Variants in HOOK3 observed in about 807,000 individuals in gnomAD.
HOOK3 encodes the protein protein Hook homolog 3.
A neutral mutation model predicts 116.3 loss-of-function variants in HOOK3; 24 were observed. The ratio of observed to expected loss-of-function variants is 0.21; its 90% CI spans 0.15 to 0.29. The LOEUF is 0.29. Ranked by LOEUF, HOOK3 falls within the 10% of genes least tolerant of loss-of-function variation. HOOK3 has a pLI of 1.00. For synonymous variants in HOOK3, 275 were observed against 283.0 expected (o/e 0.97, Z 0.28); for missense variants, 632 against 830.2 (o/e 0.76, Z 2.93).
In HOOK3 at chr8:43,020,130, T is replaced by C. The variant is rs1367339758; in HGVS notation, c.*1632T>C. On this transcript the variant is annotated 3_prime_UTR_variant, in exon 22 of 22. Transcript: ENST00000307602. Reference sequence around the variant, plus strand: ...ATTTGTTTGTCCTCAGAAGCCGTAGTTGAAGAAAGATATTAGAGTATACAC... The same window carrying C: ...ATTTGTTTGTCCTCAGAAGCCGTAGCTGAAGAAAGATATTAGAGTATACAC... 1 of 199,592 alleles carries C rather than the reference T, an allele frequency of 5.0e-6. No homozygotes were observed. The highest frequency in any genetic ancestry group is 2.3e-5 in the African/African-American group (1 of 43,414). 12.4% of individuals were successfully genotyped at this position (199,592 alleles called of 1,614,324 possible).
At chr8:42,910,252 T>A (rs755105840) in intron 2 of HOOK3, among the ~76,000 whole-genome samples, 1 of 152,224 alleles carries the variant, frequency 6.6e-6, no homozygotes, top group Non-Finnish European at 1.5e-5. Flanking sequence ...GATCATAATA[T>A]ACATTGTGTT....
intron 10 of HOOK3, among the ~76,000 whole-genome samples, chr8:42,967,382 A>T (rs1808650682): frequency 6.6e-6 from 1 of 151,840 alleles, no homozygotes; most frequent in Non-Finnish European, 1.5e-5. Context: ...AAAACCTCTA[A>T]ACTTCCCTGG....
Position 42,897,032 on chromosome 8 carries a change from G to A in HOOK3, c.-100G>A. 1.1e-6 allele frequency: 1 copy of A among 889,242 alleles called. No homozygotes were observed. Among genetic ancestry groups the A allele is most frequent in the Non-Finnish European group, 1.5e-6 (1 of 672,902 alleles). The allele number at this position is 889,242 out of a possible 1,614,324, so 55.1% of individuals were successfully genotyped here. ...GGCGGCCGGATCCGAGGAGCAGGCG[G>A]GCCTGAGGCCGAGTCAGCTGCGCGG... is the stretch of plus-strand genomic sequence containing the variant. On this transcript the variant is annotated 5_prime_UTR_variant, in exon 1 of 22. Transcript: ENST00000307602.
intron 1 of HOOK3, among the ~76,000 whole-genome samples, chr8:42,902,587 A>T (rs1161651990): frequency 2.6e-5 from 4 of 152,126 alleles, no homozygotes; most frequent in Admixed American, 2.6e-4. Context: ...GTGTATTTTC[A>T]AACCCCCCCA....
intron 15 of HOOK3, among the ~76,000 whole-genome samples, chr8:42,993,161 CA>C (rs1283554006): frequency 6.6e-6 from 1 of 152,134 alleles, no homozygotes; most frequent in Non-Finnish European, 1.5e-5. Context: ...GGATCAATCC[CA>C]TTTGGTCATA....
intron 4 of HOOK3, among the ~76,000 whole-genome samples, chr8:42,932,603 C>G (rs919602469): frequency 2.6e-5 from 4 of 152,044 alleles, no homozygotes; most frequent in African/African-American, 9.6e-5. Context: ...TTTTTGGGTC[C>G]TAGGCCTACT....
intron 8 of HOOK3, among the ~76,000 whole-genome samples, chr8:42,961,690 G>A (rs772240821): frequency 5.3e-5 from 8 of 152,196 alleles, no homozygotes; most frequent in South Asian, 2.1e-4. Flanking sequence ...ATTAGGAACC[G>A]TAAAAATATT....
chr8:42,975,027 G>T (rs985832286), intron 13 of HOOK3, among the ~76,000 whole-genome samples: 1 of 152,162 alleles, frequency 6.6e-6, no homozygotes, highest in African/African-American at 2.4e-5. Flanking sequence ...CCCCTCCTTG[G>T]CGTAGCGACG....
Position 42,966,466 on chromosome 8 carries a change from G to T in HOOK3, c.780-7G>T. The T allele has an allele frequency of 6.2e-7, 1 of 1,613,852 alleles. No individual in the cohort carries two copies. Among genetic ancestry groups the T allele is most frequent in the Non-Finnish European group, 8.5e-7 (1 of 1,179,804 alleles). On this transcript the variant is annotated splice_polypyrimidine_tract_variant and splice_region_variant and intron_variant, in intron 9 of 21. Transcript: ENST00000307602. The stretch of plus-strand genomic sequence containing the variant: ...TGCTTTCTTGGTCTATTTTATATCG[G>T]TTACAGACTAGAAGCAGCCAAAGAT...
At chr8:42,987,084 C>T (rs1809062235) in intron 15 of HOOK3, among the ~76,000 whole-genome samples, 1 of 152,124 alleles carries the variant, frequency 6.6e-6, no homozygotes. Context: ...ATCATTTGAG[C>T]CCAGGAGGCA....
In HOOK3 at chr8:43,020,170, A is replaced by G. The variant is rs1809797329; in HGVS notation, c.*1672A>G. The stretch of plus-strand genomic sequence containing the variant: ...AGAGTATACACAGAACTGGAGCCAT[A>G]CATTGTGCTAATTTTTTACATTAAG... On this transcript the variant is annotated 3_prime_UTR_variant, in exon 22 of 22. Transcript: ENST00000307602. 1.0e-5 allele frequency: 2 copies of G among 198,638 alleles called. No individual in the cohort carries two copies. Among genetic ancestry groups the G allele is most frequent in the African/African-American group, 4.6e-5 (2 of 43,378 alleles). 12.3% of individuals were successfully genotyped at this position (198,638 alleles called of 1,614,324 possible).
chr8:43,015,722 C>T (rs948931596), intron 21 of HOOK3, among the ~76,000 whole-genome samples: 2 of 151,934 alleles, frequency 1.3e-5, no homozygotes, highest in Non-Finnish European at 2.9e-5. Flanking sequence ...TTTCATATTA[C>T]TATTATTATT....
At chr8:42,983,469 G>A (rs188122686) in intron 14 of HOOK3, among the ~76,000 whole-genome samples, 159 of 151,854 alleles carry the variant, frequency 1.0e-3, no homozygotes, top group African/African-American at 3.8e-3. Flanking sequence ...TTTAATCATA[G>A]CATTTTAAAA....
chr8:43,008,175 C>T (rs1053119144), intron 18 of HOOK3, among the ~76,000 whole-genome samples: 5 of 152,034 alleles, frequency 3.3e-5, no homozygotes, highest in South Asian at 2.1e-4. Flanking sequence ...CCCGCCACTA[C>T]GCCCGGCTAA....
At chr8:42,919,215 C>T (rs868089419) in intron 2 of HOOK3, among the ~76,000 whole-genome samples, 15 of 151,750 alleles carry the variant, frequency 9.9e-5, no homozygotes, top group Middle Eastern at 3.4e-3. Context: ...AGGGGCTCCT[C>T]ACTTCACAGA....
intron 2 of HOOK3, among the ~76,000 whole-genome samples, chr8:42,911,539 A>G (rs1483599626): frequency 6.6e-6 from 1 of 152,202 alleles, no homozygotes. Context: ...TTACATTTTG[A>G]AAAATATTCT....
chr8:42,918,813 C>A (rs1807583464), intron 2 of HOOK3, among the ~76,000 whole-genome samples: 1 of 152,224 alleles, frequency 6.6e-6, no homozygotes, highest in African/African-American at 2.4e-5. Context: ...ATGGAGTCTC[C>A]TATGTCTACT....
intron 8 of HOOK3, among the ~76,000 whole-genome samples, chr8:42,960,574 G>A (rs1808517189): frequency 6.6e-6 from 1 of 152,222 alleles, no homozygotes; most frequent in Non-Finnish European, 1.5e-5. Context: ...CAGGAGTGAT[G>A]AAGGAAAGGG....
At position 43,022,516 on chromosome 8, in the gene HOOK3, A is replaced by G. The variant is rs1442830393; in HGVS notation, c.*4018A>G. ...TTCCTTCTAACCAGGGTGAGAAAATACAAAGTAAAGAACTAAAGAATATTA... is the reference window on the plus strand; with the variant it reads ...TTCCTTCTAACCAGGGTGAGAAAATGCAAAGTAAAGAACTAAAGAATATTA... On this transcript the variant is annotated 3_prime_UTR_variant, in exon 22 of 22. Coordinates refer to ENST00000307602, the MANE Select transcript of HOOK3 (RefSeq NM_032410.4). The G allele has an allele frequency of 5.2e-6, 1 of 191,632 alleles. No individual in the cohort carries two copies. Among genetic ancestry groups the G allele is most frequent in the African/African-American group, 2.3e-5 (1 of 42,996 alleles). The allele number at this position is 191,632 out of a possible 1,614,324, so 11.9% of individuals were successfully genotyped here.
Sources: allele counts gnomAD v4.1 joint callset (sites outside exome capture counted in the v4.1 genomes callset), GRCh38; gene constraint gnomAD v4.1.1; transcripts MANE v1.5; gene names NCBI Gene and HGNC (gene_info 2026-07-23, HGNC 2026-07-21).